Variants in KLF8 observed in about 807,000 individuals in gnomAD.
The protein encoded by KLF8 is Krueppel-like factor 8.
KLF8 carries 10 observed loss-of-function variants against 18.2 expected under a neutral mutation model. The observed-to-expected ratio is 0.55, with a 90% confidence interval of 0.34 to 0.93. KLF8 has a LOEUF of 0.93. Among genes scored for constraint, KLF8 ranks in the 40% least tolerant of loss-of-function variants. The probability of loss-of-function intolerance (pLI) is 0.02; values close to 1 mark genes in which losing one functional copy is unlikely to be tolerated. For synonymous variants in KLF8, 109 were observed against 97.3 expected (o/e 1.12, Z -0.71); for missense variants, 264 against 277.9 (o/e 0.95, Z 0.36).
the KLF8 span, among the ~76,000 whole-genome samples, chrX:56,205,622 T>G: frequency 8.9e-6 from 1 of 112,222 alleles, no homozygotes; most frequent in Admixed American, 9.4e-5. Flanking sequence ...TGTAATTTTT[T>G]TATATGTCTT....
the KLF8 span, among the ~76,000 whole-genome samples, chrX:55,978,280 C>G: frequency 9.0e-6 from 1 of 111,430 alleles, no homozygotes; most frequent in Non-Finnish European, 1.9e-5. Context: ...TGGAAGATCT[C>G]ACCACTATGG....
the KLF8 span, among the ~76,000 whole-genome samples, chrX:56,223,695 T>C: frequency 2.7e-5 from 3 of 112,092 alleles, no homozygotes; most frequent in South Asian, 1.1e-3. Context: ...ACATACCTAA[T>C]TACAAAATGT....
the KLF8 span, among the ~76,000 whole-genome samples, chrX:56,094,695 A>G: frequency 2.7e-5 from 3 of 111,332 alleles, no homozygotes; most frequent in Admixed American, 1.9e-4. Context: ...AGAGACCACA[A>G]TCTGGGCCAT....
At chrX:56,110,026 A>T in the KLF8 span, among the ~76,000 whole-genome samples, 1 of 111,110 alleles carries the variant, frequency 9.0e-6, no homozygotes, top group South Asian at 3.9e-4. Flanking sequence ...ATAAGTGAGA[A>T]CATGTGGTGT....
the KLF8 span, among the ~76,000 whole-genome samples, chrX:56,110,550 AC>A: frequency 9.0e-6 from 1 of 111,117 alleles, no homozygotes; most frequent in African/African-American, 3.3e-5. Context: ...TCTAATACTG[AC>A]TTTTTTGTTT....
the KLF8 span, among the ~76,000 whole-genome samples, chrX:56,051,672 C>A: frequency 9.1e-6 from 1 of 110,306 alleles, no homozygotes; most frequent in Non-Finnish European, 1.9e-5. Context: ...TTGAGGGTAA[C>A]CCGACCTTTC....
the KLF8 span, among the ~76,000 whole-genome samples, chrX:56,059,736 G>A: frequency 0.09 from 10,027 of 110,963 alleles, 1,104 homozygotes; most frequent in African/African-American, 0.31. Context: ...TACCAGTACC[G>A]TGCTGTTTTG....
At chrX:56,067,624 G>A in the KLF8 span, among the ~76,000 whole-genome samples, 1 of 111,965 alleles carries the variant, frequency 8.9e-6, no homozygotes, top group Non-Finnish European at 1.9e-5. Flanking sequence ...GGACTCAGCA[G>A]AGAGCCAGGA....
the KLF8 span, among the ~76,000 whole-genome samples, chrX:55,939,931 G>A: frequency 5.4e-5 from 6 of 111,705 alleles, no homozygotes; most frequent in East Asian, 2.8e-4. Context: ...ATTCACAGCC[G>A]AATTCTACCA....
the KLF8 span, among the ~76,000 whole-genome samples, chrX:56,106,962 C>T: frequency 0.036 from 4,061 of 112,007 alleles, 88 homozygotes; most frequent in Non-Finnish European, 0.06. Context: ...TTCTTTCTAA[C>T]GGTCAGGTCC....
At chrX:56,043,329 C>G in the KLF8 span, among the ~76,000 whole-genome samples, 4 of 109,656 alleles carry the variant, frequency 3.6e-5, no homozygotes, top group Admixed American at 3.9e-4. Flanking sequence ...TACAGGGGTT[C>G]TCTGCATTTC....
chrX:56,008,154 T>A, the KLF8 span, among the ~76,000 whole-genome samples: 2 of 105,761 alleles, frequency 1.9e-5, no homozygotes, highest in Admixed American at 9.9e-5. Context: ...ACAAATACAA[T>A]TAATTGTAAC....
At chrX:56,002,287 A>T in the KLF8 span, among the ~76,000 whole-genome samples, 2 of 111,392 alleles carry the variant, frequency 1.8e-5, no homozygotes, top group African/African-American at 3.3e-5. Context: ...GAATTTCTAC[A>T]CACTGTTTTA....
chrX:56,016,456 G>T, the KLF8 span, among the ~76,000 whole-genome samples: 1 of 111,873 alleles, frequency 8.9e-6, no homozygotes, highest in Middle Eastern at 4.6e-3. Context: ...TAACTAGACT[G>T]TAAGATTGAT....
the KLF8 span, among the ~76,000 whole-genome samples, chrX:56,017,636 A>G: frequency 9.0e-6 from 1 of 111,647 alleles, no homozygotes. Flanking sequence ...TGGGTGTGTG[A>G]TTTTTTGAGG....
chrX:56,171,542 G>A, the KLF8 span, among the ~76,000 whole-genome samples: 5 of 110,292 alleles, frequency 4.5e-5, no homozygotes, highest in Non-Finnish European at 9.5e-5. Context: ...CCCACAACAG[G>A]CCCCGGTGTG....
the KLF8 span, among the ~76,000 whole-genome samples, chrX:56,123,664 T>A: frequency 3.6e-5 from 4 of 112,336 alleles, no homozygotes; most frequent in Non-Finnish European, 5.6e-5. Flanking sequence ...GCATCCAATT[T>A]AGCTGACCCC....
the KLF8 span, among the ~76,000 whole-genome samples, chrX:56,083,474 T>A: frequency 8.9e-6 from 1 of 112,305 alleles, no homozygotes; most frequent in Non-Finnish European, 1.9e-5. Flanking sequence ...AATGTTTTTC[T>A]ACCTTGAAAA....
At chrX:56,166,921 C>G in the KLF8 span, among the ~76,000 whole-genome samples, 32 of 110,918 alleles carry the variant, frequency 2.9e-4, no homozygotes, top group African/African-American at 1.0e-3. Flanking sequence ...CCCGAGAGGC[C>G]TATCCAAGGA....
Sources: allele counts gnomAD v4.1 joint callset (sites outside exome capture counted in the v4.1 genomes callset), GRCh38; gene constraint gnomAD v4.1.1; transcripts MANE v1.5; gene names NCBI Gene and HGNC (gene_info 2026-07-23, HGNC 2026-07-21).